SLC24A2: variants seen among roughly 807,000 people sequenced by gnomAD.
SLC24A2 encodes the protein solute carrier family 24 member 2.
Under a neutral mutation model 62.0 loss-of-function variants are expected in SLC24A2, and 36 were observed. That is an observed-to-expected ratio of 0.58 (90% CI 0.44 to 0.77). The LOEUF is 0.77. SLC24A2 is among the 30% of genes least tolerant of loss of function. SLC24A2 has a pLI of 0.00. For synonymous variants in SLC24A2, 358 were observed against 294.0 expected, an observed-to-expected ratio of 1.22 and a Z score of -2.23; for missense variants, 846 against 817.9, an observed-to-expected ratio of 1.03 and a Z score of -0.42.
the SLC24A2 span, among the ~76,000 whole-genome samples, chr9:19,982,784 C>T: frequency 6.6e-6 from 1 of 152,054 alleles, no homozygotes; most frequent in South Asian, 2.1e-4. Context: ...GAACAAAATA[C>T]AGACAGAAGA....
the SLC24A2 span, among the ~76,000 whole-genome samples, chr9:20,225,899 G>C: frequency 6.6e-6 from 1 of 151,902 alleles, no homozygotes; most frequent in Non-Finnish European, 1.5e-5. Context: ...TTTAGAAAGT[G>C]AGAAACATAG....
chr9:19,790,083 C>T (rs766656544), upstream of SLC24A2, among the ~76,000 whole-genome samples: 4 of 150,696 alleles, frequency 2.7e-5, no homozygotes, highest in Admixed American at 6.6e-5. Flanking sequence ...CAAAGCCAGG[C>T]ATTCAAGACT....
At chr9:20,091,089 G>C in the SLC24A2 span, among the ~76,000 whole-genome samples, 10 of 151,148 alleles carry the variant, frequency 6.6e-5, no homozygotes, top group Non-Finnish European at 1.3e-4. Context: ...GATAGACCAA[G>C]CTGAGGAAAC....
At chr9:20,078,523 C>T in the SLC24A2 span, among the ~76,000 whole-genome samples, 1 of 152,174 alleles carries the variant, frequency 6.6e-6, no homozygotes, top group East Asian at 1.9e-4. Flanking sequence ...TTCCACCCTT[C>T]CACAAACCAG....
the SLC24A2 span, among the ~76,000 whole-genome samples, chr9:20,003,694 C>A: frequency 2.0e-5 from 3 of 152,122 alleles, no homozygotes; most frequent in African/African-American, 7.2e-5. Context: ...TCTGTCACAA[C>A]TACTAGCTCT....
At chr9:19,747,190 T>C (rs1207533276) in intron 2 of SLC24A2, among the ~76,000 whole-genome samples, 1 of 152,168 alleles carries the variant, frequency 6.6e-6, no homozygotes. Context: ...ATACTCCAGA[T>C]ACATGTCAAG....
At chr9:19,753,103 T>A (rs939269954) in intron 2 of SLC24A2, among the ~76,000 whole-genome samples, 2 of 152,198 alleles carry the variant, frequency 1.3e-5, no homozygotes, top group African/African-American at 4.8e-5. Flanking sequence ...GTCCTTTTCT[T>A]TGCATACTCT....
At chr9:19,999,458 A>G in the SLC24A2 span, among the ~76,000 whole-genome samples, 1 of 152,232 alleles carries the variant, frequency 6.6e-6, no homozygotes, top group Admixed American at 6.5e-5. Context: ...ACTCAGGGCT[A>G]GGTAGGAATT....
At chr9:19,634,705 T>A (rs189718487) in intron 2 of SLC24A2, among the ~76,000 whole-genome samples, 3 of 152,330 alleles carry the variant, frequency 2.0e-5, no homozygotes, top group Non-Finnish European at 4.4e-5. Context: ...ACAAAATGTA[T>A]TCAGAAAATA....
chr9:19,855,378 A>T, the SLC24A2 span, among the ~76,000 whole-genome samples: 2 of 152,138 alleles, frequency 1.3e-5, no homozygotes, highest in African/African-American at 4.8e-5. Flanking sequence ...TAGTTGCTTC[A>T]TAGTGTCATT....
the SLC24A2 span, among the ~76,000 whole-genome samples, chr9:19,951,811 C>G: frequency 2.0e-5 from 3 of 152,064 alleles, no homozygotes; most frequent in Non-Finnish European, 2.9e-5. Context: ...CATGATTATT[C>G]TCGTTCCTTT....
the SLC24A2 span, among the ~76,000 whole-genome samples, chr9:20,040,712 T>A: frequency 6.6e-6 from 1 of 152,212 alleles, no homozygotes; most frequent in Non-Finnish European, 1.5e-5. Context: ...CAGTCATTCA[T>A]CAGTGAAGAT....
At chr9:19,822,820 C>T in the SLC24A2 span, among the ~76,000 whole-genome samples, 5 of 152,144 alleles carry the variant, frequency 3.3e-5, no homozygotes, top group Non-Finnish European at 7.4e-5. Flanking sequence ...TCATCATATC[C>T]TAGTTCCTTA....
chr9:20,014,155 C>T, the SLC24A2 span, among the ~76,000 whole-genome samples: 2 of 152,116 alleles, frequency 1.3e-5, no homozygotes, highest in Non-Finnish European at 2.9e-5. Context: ...CTGCAGTGAG[C>T]TATGATCATG....
At chr9:20,215,578 T>C in the SLC24A2 span, among the ~76,000 whole-genome samples, 1 of 152,240 alleles carries the variant, frequency 6.6e-6, no homozygotes, top group Non-Finnish European at 1.5e-5. Flanking sequence ...CTTCCAGCAC[T>C]GTCACTAGCC....
chr9:19,591,520 T>C (rs935153663), intron 5 of SLC24A2, among the ~76,000 whole-genome samples: 3 of 152,250 alleles, frequency 2.0e-5, no homozygotes, highest in Non-Finnish European at 4.4e-5. Flanking sequence ...TGACTGAGTT[T>C]TGAGCAAATT....
chr9:19,579,160 G>GA (rs1466356218), intron 5 of SLC24A2, among the ~76,000 whole-genome samples: 1 of 151,998 alleles, frequency 6.6e-6, no homozygotes, highest in Non-Finnish European at 1.5e-5. Flanking sequence ...ACTCTGGGAA[G>GA]AAAAAGGGAA....
the SLC24A2 span, among the ~76,000 whole-genome samples, chr9:20,048,651 A>G: frequency 6.6e-6 from 1 of 152,218 alleles, no homozygotes; most frequent in East Asian, 1.9e-4. Flanking sequence ...AAATAAAATA[A>G]AAGTATACCT....
In SLC24A2 at chr9:19,623,502, A is replaced by G. The variant is rs1338835616; in HGVS notation, c.931-1203T>C. Among the ~76,000 whole-genome samples, 7 of 152,312 alleles carry G rather than the reference A, an allele frequency of 4.6e-5. No individual in the cohort carries two copies. In the South Asian group the frequency reaches 1.0e-3, roughly 23 times the overall value. On this transcript the variant is annotated intron_variant, in intron 2 of 10. Coordinates refer to ENST00000341998, the MANE Select transcript of SLC24A2 (RefSeq NM_020344.4). ...TCTAAAATATTCAATTACCTAAAAT[A>G]TACACTTTTGTGTAAAAAAAATAGA...
Sources: gnomAD v4.1 joint callset for allele counts (sites outside exome capture counted in the v4.1 genomes callset) on GRCh38, gnomAD v4.1.1 for gene constraint, MANE v1.5 for transcripts, NCBI Gene and HGNC (gene_info 2026-07-23, HGNC 2026-07-21) for gene names.